The following PARD3B variants were observed in gnomAD, a reference collection of about 807,000 sequenced individuals.
PARD3B encodes the protein partitioning defective 3 homolog B.
PARD3B carries 103 observed loss-of-function variants against 130.2 expected under a neutral mutation model. The ratio of observed to expected loss-of-function variants is 0.79; its 90% CI spans 0.67 to 0.93. The LOEUF (loss-of-function observed/expected upper bound fraction) is 0.93. Among genes scored for constraint, PARD3B ranks in the 40% least tolerant of loss-of-function variants. The probability of loss-of-function intolerance (pLI) is 0.00; values close to 1 mark genes in which losing one functional copy is unlikely to be tolerated. For synonymous variants in PARD3B, 583 were observed against 553.2 expected, an observed-to-expected ratio of 1.05 and a Z score of -0.76; for missense variants, 1,609 against 1,499.2, an observed-to-expected ratio of 1.07 and a Z score of -1.21.
Position 205,121,994 on chromosome 2 carries a change from G to A in PARD3B, c.1165+45G>A, listed in dbSNP as rs1007228566. The A allele has an allele frequency of 6.8e-7, 1 of 1,477,338 alleles. No homozygotes were observed. The highest frequency in any genetic ancestry group is 2.0e-5 in the Admixed American group (1 of 50,078). 91.5% of individuals were successfully genotyped at this position (1,477,338 alleles called of 1,614,324 possible). A position where few individuals can be genotyped will look rare whatever the true frequency, so the allele number is the denominator to read the frequency against. ...TAATAGCATTCTATTATTGTAACAT[G>A]TAAAATTGGTTAAGAGAAATGCATT... On this transcript the variant is annotated intron_variant, in intron 8 of 22. Coordinates refer to ENST00000406610, the MANE Select transcript of PARD3B (RefSeq NM_001302769.2). The surrounding 1 kb of genome is among the most constrained non-coding windows in gnomAD (Gnocchi z 5.0).
At chr2:205,248,625 T>TTTTG (rs1559585013) in intron 16 of PARD3B, among the ~76,000 whole-genome samples, 6 of 139,518 alleles carry the variant, frequency 4.3e-5, no homozygotes, top group African/African-American at 1.1e-4. Flanking sequence ...TTTTTTTTTT[T>TTTTG]TGAGACGGAG....
intron 15 of PARD3B, among the ~76,000 whole-genome samples, chr2:205,205,158 C>T (rs2037214479): frequency 6.6e-6 from 1 of 152,134 alleles, no homozygotes; most frequent in Non-Finnish European, 1.5e-5. Flanking sequence ...TTGAAGAGGT[C>T]CTTCACATCC....
At chr2:204,764,134 C>A (rs935864745) in intron 2 of PARD3B, among the ~76,000 whole-genome samples, 1 of 152,054 alleles carries the variant, frequency 6.6e-6, no homozygotes, top group African/African-American at 2.4e-5. Context: ...AGAGAGAGGG[C>A]CCCAAAGAGG....
At chr2:205,399,787 G>A (rs1388592818) in intron 18 of PARD3B, among the ~76,000 whole-genome samples, 1 of 152,310 alleles carries the variant, frequency 6.6e-6, no homozygotes, top group Middle Eastern at 3.4e-3. Context: ...ACTCAGGAAT[G>A]CTCAGAACAT....
At chr2:204,838,080 A>G (rs964598628) in intron 2 of PARD3B, among the ~76,000 whole-genome samples, 2 of 152,186 alleles carry the variant, frequency 1.3e-5, no homozygotes, top group African/African-American at 4.8e-5. Flanking sequence ...AGAGTGATCA[A>G]CAAAGAGCTA....
At position 205,176,373 on chromosome 2, in the gene PARD3B, T is replaced by C; in HGVS notation, c.1792-72T>C. ...AGACTATTCATACAGCGATCATTCT[T>C]TCACTTTGCTTCAACTGACCAAGTT... On this transcript the variant is annotated intron_variant, in intron 12 of 22. Transcript: ENST00000406610. The surrounding 1 kb of genome is among the most constrained non-coding windows in gnomAD (Gnocchi z 5.3). 7.8e-6 allele frequency: 11 copies of C among 1,407,974 alleles called. No homozygotes were observed. The highest frequency in any genetic ancestry group is 8.7e-6 in the Non-Finnish European group (9 of 1,037,738). 87.2% of individuals were successfully genotyped at this position (1,407,974 alleles called of 1,614,324 possible). A position where few individuals can be genotyped will look rare whatever the true frequency, so the allele number is the denominator to read the frequency against.
At position 204,669,245 on chromosome 2, in the gene PARD3B, G is replaced by C. The variant is rs1236595213; in HGVS notation, c.121-16936G>C. On this transcript the variant is annotated intron_variant, in intron 1 of 22. Coordinates refer to ENST00000406610, the MANE Select transcript of PARD3B (RefSeq NM_001302769.2). The surrounding 1 kb of genome is among the most constrained non-coding windows in gnomAD (Gnocchi z 4.3). ...GTTGCTTCTTACATTCTAGATACCA[G>C]GCATTTATAATTTTTCCTAGAAGAG... is the stretch of plus-strand genomic sequence containing the variant. 6.6e-6 allele frequency among the ~76,000 whole-genome samples: 1 copy of C among 151,998 alleles called. No homozygotes were observed. The highest frequency in any genetic ancestry group is 2.4e-5 in the African/African-American group (1 of 41,380).
intron 1 of PARD3B, among the ~76,000 whole-genome samples, chr2:204,571,893 T>G (rs2032024304): frequency 1.3e-5 from 2 of 152,208 alleles, no homozygotes; most frequent in Admixed American, 1.3e-4. Flanking sequence ...GTGTGTGTAA[T>G]TATTATTGCC....
chr2:204,864,261 T>A (rs1295426445), intron 2 of PARD3B, among the ~76,000 whole-genome samples: 4 of 152,106 alleles, frequency 2.6e-5, no homozygotes, highest in African/African-American at 4.8e-5. Context: ...ATGGGACCCA[T>A]TTTTTTCCAT....
intron 15 of PARD3B, among the ~76,000 whole-genome samples, chr2:205,236,407 T>C (rs577359201): frequency 1.4e-5 from 1 of 70,240 alleles, no homozygotes; most frequent in South Asian, 7.4e-4. Context: ...TAGATTGATA[T>C]CCTTCTTGAA....
rs1448142126 is a variant in PARD3B, at chr2:205,021,658, A to C, written c.395-25923A>C. ...TCTCTCTCTCTCTCTCTCTATATAT[A>C]TATATATAGTTAATCTTTTCAATGA... is the stretch of plus-strand genomic sequence containing the variant. On this transcript the variant is annotated intron_variant, in intron 3 of 22. Transcript: ENST00000406610. This position sits in a 1 kb window ranked among gnomAD's most constrained non-coding sequence, Gnocchi z 4.5. 4.7e-5 allele frequency among the ~76,000 whole-genome samples: 7 copies of C among 150,236 alleles called. No individual in the cohort carries two copies. Among genetic ancestry groups the C allele is most frequent in the African/African-American group, 1.2e-4 (5 of 40,688 alleles).
At chr2:205,380,944 AATATATAATG>A (rs2045384553) in intron 18 of PARD3B, among the ~76,000 whole-genome samples, 1 of 66,056 alleles carries the variant, frequency 1.5e-5, no homozygotes, top group South Asian at 3.7e-4. Context: ...GAATATATAT[AATATATAATG>A]TATATAATAT....
chr2:204,546,075 C>T lies in PARD3B; in HGVS notation c.76C>T (p.Leu26Phe). 6.4e-7 allele frequency: 1 copy of T among 1,559,448 alleles called. No individual in the cohort carries two copies. Among genetic ancestry groups the T allele is most frequent in the Non-Finnish European group, 8.7e-7 (1 of 1,151,434 alleles). ...CKEGQLRVGELTQQALQRYLK... is the reference protein window; with the variant it reads ...CKEGQLRVGEFTQQALQRYLK... ...GGAGGGCCAGCTGCGCGTCGGCGAG[C>T]TCACCCAGCAGGCGCTGCAGCGGTA... The change falls in exon 1 of 23, where the codon CTC becomes TTC. Residue 26 changes from leucine (L) to phenylalanine (F), a missense_variant. By Grantham distance (22) the Leu-to-Phe change is conservative. Coordinates refer to ENST00000406610, the MANE Select transcript of PARD3B (RefSeq NM_001302769.2).
At chr2:204,660,077 T>A (rs931234339) in intron 1 of PARD3B, among the ~76,000 whole-genome samples, 2 of 152,182 alleles carry the variant, frequency 1.3e-5, no homozygotes, top group Non-Finnish European at 2.9e-5. Flanking sequence ...AGGTGTGAAG[T>A]GCTGGTTGAT....
intron 2 of PARD3B, among the ~76,000 whole-genome samples, chr2:204,958,962 ATTG>A (rs1690515659): frequency 6.6e-6 from 1 of 151,978 alleles, no homozygotes; most frequent in Non-Finnish European, 1.5e-5. Flanking sequence ...GTTCTTTTTT[ATTG>A]TTTTTAAATT....
intron 3 of PARD3B, among the ~76,000 whole-genome samples, chr2:205,025,293 C>G (rs149489669): frequency 1.3e-5 from 2 of 152,116 alleles, no homozygotes; most frequent in Non-Finnish European, 2.9e-5. Flanking sequence ...TCACAGCAAC[C>G]GTTAGATGGG....
At chr2:204,578,826 T>C (rs1244209623) in intron 1 of PARD3B, among the ~76,000 whole-genome samples, 1 of 152,062 alleles carries the variant, frequency 6.6e-6, no homozygotes, top group African/African-American at 2.4e-5. Flanking sequence ...ATGGGAAGTT[T>C]TGGGATGTTT....
chr2:205,061,464 A>T (rs1368489960), intron 4 of PARD3B, among the ~76,000 whole-genome samples: 2 of 152,156 alleles, frequency 1.3e-5, no homozygotes, highest in African/African-American at 2.4e-5. Context: ...TAATAAAAGT[A>T]CTTACCTCAC....
chr2:204,792,803 A>G (rs2042242538), intron 2 of PARD3B, among the ~76,000 whole-genome samples: 1 of 152,100 alleles, frequency 6.6e-6, no homozygotes, highest in Non-Finnish European at 1.5e-5. Flanking sequence ...TGTTTCAGCT[A>G]ATTTCGATTC....
Sources: allele counts gnomAD v4.1 joint callset (sites outside exome capture counted in the v4.1 genomes callset), GRCh38; gene constraint gnomAD v4.1.1; non-coding constraint Gnocchi (gnomAD v3.1); transcripts MANE v1.5; gene names NCBI Gene and HGNC (gene_info 2026-07-23, HGNC 2026-07-21).